RIMS2: variants seen among roughly 807,000 people sequenced by gnomAD.
RIMS2 encodes the protein regulating synaptic membrane exocytosis 2.
A neutral mutation model predicts 174.4 loss-of-function variants in RIMS2; 59 were observed. That is an observed-to-expected ratio of 0.34 (90% CI 0.27 to 0.42). The LOEUF (loss-of-function observed/expected upper bound fraction) is 0.42, where lower values mean the gene tolerates loss of function less well. Among genes scored for constraint, RIMS2 ranks in the 10% least tolerant of loss-of-function variants. The probability of loss-of-function intolerance (pLI) is 1.00; values close to 1 mark genes in which losing one functional copy is unlikely to be tolerated. For missense variants in RIMS2, 1,620 were observed against 1,666.3 expected (o/e 0.97, Z 0.48); for synonymous variants, 606 against 572.5 (o/e 1.06, Z -0.84).
At position 103,633,621 on chromosome 8, in the gene RIMS2, T is replaced by A. The variant is rs1039809898; in HGVS notation, c.177-63465T>A. On this transcript the variant is annotated intron_variant, in intron 1 of 23. Coordinates refer to ENST00000504942, the Ensembl canonical transcript of RIMS2. ...TTCTGTAGGAATGGTACTATGTCTT[T>A]GGACATCTAGTAGAATTTCACTGTG... Among the ~76,000 whole-genome samples the A allele has an allele frequency of 2.4e-4, 37 of 152,188 alleles. 1 individual carries two copies. Among genetic ancestry groups the A allele is most frequent in the Admixed American group, 2.2e-3 (34 of 15,284 alleles).
At chr8:103,545,048 A>T (rs1844366249) in intron 1 of RIMS2, among the ~76,000 whole-genome samples, 1 of 152,228 alleles carries the variant, frequency 6.6e-6, no homozygotes, top group African/African-American at 2.4e-5. Context: ...GGCTTAAATG[A>T]CTGCAATGTC....
At chr8:103,800,947 A>G (rs184782643) in intron 3 of RIMS2, among the ~76,000 whole-genome samples, 1 of 152,198 alleles carries the variant, frequency 6.6e-6, no homozygotes, top group East Asian at 1.9e-4. Context: ...ATTTGGGCCT[A>G]GAGTTCTCTT....
intron 1 of RIMS2, among the ~76,000 whole-genome samples, chr8:103,619,422 T>C (rs1305943500): frequency 6.6e-6 from 1 of 152,036 alleles, no homozygotes; most frequent in Non-Finnish European, 1.5e-5. Flanking sequence ...TATTAACATA[T>C]TTAAGAAGTA....
intron 3 of RIMS2, among the ~76,000 whole-genome samples, chr8:103,780,145 T>G (rs1027333341): frequency 1.1e-4 from 16 of 152,180 alleles, no homozygotes; most frequent in Non-Finnish European, 2.2e-4. Flanking sequence ...TGTTACTTGC[T>G]TCTTTCTTCT....
At chr8:103,931,206 ACAT>A in intron 11 of RIMS2, 54 bp from the exon 14 acceptor site, 1 of 1,300,932 alleles carries the variant, frequency 7.7e-7, no homozygotes, top group Non-Finnish European at 1.1e-6. Flanking sequence ...GGAAAAGTAA[ACAT>A]TGTGTTTGTG....
chr8:103,772,223 A>C (rs2154428337), intron 3 of RIMS2, among the ~76,000 whole-genome samples: 1 of 152,102 alleles, frequency 6.6e-6, no homozygotes, highest in Non-Finnish European at 1.5e-5. Context: ...GAAAGAACTA[A>C]CACTTTATTC....
At chr8:104,081,625 T>A (rs2097422137) in intron 19 of RIMS2, among the ~76,000 whole-genome samples, 1 of 151,666 alleles carries the variant, frequency 6.6e-6, no homozygotes, top group Non-Finnish European at 1.5e-5. Flanking sequence ...AAATTATCAC[T>A]TTTAATTAAA....
At chr8:103,575,130 AG>A (rs2132512588) in intron 1 of RIMS2, among the ~76,000 whole-genome samples, 1 of 152,318 alleles carries the variant, frequency 6.6e-6, no homozygotes, top group South Asian at 2.1e-4. Flanking sequence ...AAAATAGGAA[AG>A]ACACTTATGA....
chr8:104,173,770 A>AGG (rs1291469209), intron 19 of RIMS2, among the ~76,000 whole-genome samples: 3 of 150,554 alleles, frequency 2.0e-5, no homozygotes, highest in African/African-American at 7.3e-5. Flanking sequence ...CTGGGACTAC[A>AGG]GGCACCCGCC....
In RIMS2 at chr8:103,767,290, C is replaced by T. The variant is rs189996782; in HGVS notation, c.698+753C>T. On this transcript the variant is annotated intron_variant, in intron 3 of 23. Coordinates refer to ENST00000504942, the Ensembl canonical transcript of RIMS2. ...GCAATCCCTGCTTCCCAGGTTCAAG[C>T]GATTCCCCTGCCTCAGCCTCCCGAG... Among the ~76,000 whole-genome samples, 933 of 151,620 alleles carry T rather than the reference C, an allele frequency of 6.2e-3. 12 individuals are homozygous for T. Among genetic ancestry groups the T allele is most frequent in the African/African-American group, 0.021 (877 of 41,332 alleles).
intron 3 of RIMS2, among the ~76,000 whole-genome samples, chr8:103,809,366 C>T (rs2098671835): frequency 6.6e-6 from 1 of 151,760 alleles, no homozygotes; most frequent in Non-Finnish European, 1.5e-5. Flanking sequence ...AATCTGAATT[C>T]TCAATAACAC....
At chr8:103,700,366 T>A (rs746392529) in intron 2 of RIMS2, among the ~76,000 whole-genome samples, 3 of 152,044 alleles carry the variant, frequency 2.0e-5, no homozygotes, top group Non-Finnish European at 4.4e-5. Flanking sequence ...TCACTTGGTC[T>A]AATACATGTA....
intron 19 of RIMS2, among the ~76,000 whole-genome samples, chr8:104,015,779 G>T (rs941956711): frequency 7.9e-5 from 12 of 151,976 alleles, no homozygotes; most frequent in African/African-American, 2.9e-4. Flanking sequence ...TTTAACCAAA[G>T]ATATCAATTG....
At chr8:103,602,918 C>T (rs2094830422) in intron 1 of RIMS2, among the ~76,000 whole-genome samples, 2 of 152,290 alleles carry the variant, frequency 1.3e-5, no homozygotes, top group South Asian at 4.1e-4. Context: ...AATTTACAGT[C>T]CCACCAACAA....
rs532605382 is a variant in RIMS2, at chr8:104,155,006, C to T, written c.3335-89910C>T. On this transcript the variant is annotated intron_variant, in intron 19 of 23. Coordinates refer to ENST00000504942, the Ensembl canonical transcript of RIMS2. ...AAAACAAAAAAGAAATTAAACTTTA[C>T]AAATATTTAATATATGGCTTCACCT... is the stretch of plus-strand genomic sequence containing the variant. Among the ~76,000 whole-genome samples the T allele has an allele frequency of 1.9e-3, 289 of 151,874 alleles. 1 individual carries two copies. The highest frequency in any genetic ancestry group is 3.1e-3 in the Non-Finnish European group (210 of 67,972).
chr8:103,703,927 T>C (rs2097195607), intron 2 of RIMS2, among the ~76,000 whole-genome samples: 2 of 152,066 alleles, frequency 1.3e-5, no homozygotes, highest in Non-Finnish European at 2.9e-5. Flanking sequence ...GTGTTATCTG[T>C]GTAAAAGTCT....
At position 103,568,825 on chromosome 8, in the gene RIMS2, A is replaced by G. The variant is rs1364049887; in HGVS notation, c.176+67763A>G. On this transcript the variant is annotated intron_variant, in intron 1 of 23. Transcript: ENST00000504942. ...ATCAGTGCTATAAGAAGCTGAGCAT[A>G]TTCTTCTGTAGGGTTAGCTGGCTGG... is the stretch of plus-strand genomic sequence containing the variant. 2.6e-6 allele frequency: 3 copies of G among 1,139,894 alleles called. No homozygotes were observed. The East Asian group carries it at 7.9e-5, about 30-fold the overall frequency. The allele number at this position is 1,139,894 out of a possible 1,614,324, so 70.6% of individuals were successfully genotyped here.
At chr8:104,202,054 T>C (rs2099057515) in intron 19 of RIMS2, among the ~76,000 whole-genome samples, 1 of 152,166 alleles carries the variant, frequency 6.6e-6, no homozygotes, top group Admixed American at 6.5e-5. Context: ...ATCATTGTGG[T>C]AGGCCCTGGG....
rs573766651 is a variant in RIMS2 at position 103,665,699 on chromosome 8, C to T, written c.177-31387C>T. Among the ~76,000 whole-genome samples the T allele has an allele frequency of 2.6e-5, 4 of 152,184 alleles. No individual in the cohort carries two copies. The South Asian group carries it at 8.3e-4, about 32-fold the overall frequency. On this transcript the variant is annotated intron_variant, in intron 1 of 23. Transcript: ENST00000504942. ...CAGCTTCTTCTATTGTATTTTCCTC[C>T]CTGTTTTCCCCCCATGCATACCTTA... is the stretch of plus-strand genomic sequence containing the variant.
Sources: gnomAD v4.1 joint callset for allele counts (sites outside exome capture counted in the v4.1 genomes callset) on GRCh38, gnomAD v4.1.1 for gene constraint, MANE v1.5 for transcripts, NCBI Gene and HGNC (gene_info 2026-07-23, HGNC 2026-07-21) for gene names.